The following MIPEP variants were observed in gnomAD, a reference collection of about 807,000 sequenced individuals.
The protein encoded by MIPEP is mitochondrial intermediate peptidase.
MIPEP carries 79 observed loss-of-function variants against 90.3 expected under a neutral mutation model. That is an observed-to-expected ratio of 0.87 (90% CI 0.73 to 1.05). MIPEP has a LOEUF of 1.05. Ranked by LOEUF, MIPEP falls within the 50% of genes least tolerant of loss-of-function variation. The pLI, the probability that MIPEP is intolerant of heterozygous loss-of-function variation, is 0.00. For synonymous variants in MIPEP, 334 were observed against 315.8 expected (o/e 1.06, Z -0.61); for missense variants, 940 against 905.6 (o/e 1.04, Z -0.49).
chr13:23,832,078 T>C (rs561029273), intron 14 of MIPEP, among the ~76,000 whole-genome samples: 2 of 152,256 alleles, frequency 1.3e-5, no homozygotes, highest in Admixed American at 1.3e-4. Context: ...ATACCCCTTC[T>C]CCAGGCAGTA....
intron 14 of MIPEP, among the ~76,000 whole-genome samples, chr13:23,829,927 T>C (rs1868656187): frequency 6.6e-6 from 1 of 152,208 alleles, no homozygotes; most frequent in Non-Finnish European, 1.5e-5. Flanking sequence ...AATCACAAAA[T>C]GGGCAAAATT....
At chr13:23,800,693 T>A (rs182486621) in intron 16 of MIPEP, among the ~76,000 whole-genome samples, 1 of 152,218 alleles carries the variant, frequency 6.6e-6, no homozygotes, top group Non-Finnish European at 1.5e-5. Context: ...TTATTTAATA[T>A]GGAATATCTG....
At chr13:23,737,154 C>G (rs1173589914) in intron 18 of MIPEP, among the ~76,000 whole-genome samples, 2 of 152,248 alleles carry the variant, frequency 1.3e-5, no homozygotes. Context: ...GCACACTTTA[C>G]AAGCAGTCAC....
intron 5 of MIPEP, among the ~76,000 whole-genome samples, chr13:23,873,904 C>T (rs1452400647): frequency 1.3e-5 from 2 of 152,190 alleles, no homozygotes; most frequent in Non-Finnish European, 2.9e-5. Context: ...CCAGGAATCA[C>T]ATGCTGAACC....
chr13:23,865,263 C>G (rs1593199156), intron 7 of MIPEP, among the ~76,000 whole-genome samples: 1 of 152,152 alleles, frequency 6.6e-6, no homozygotes, highest in Admixed American at 6.5e-5. Context: ...TTTGTATTTT[C>G]CAGATAATCT....
At chr13:23,794,442 T>A (rs1457181793) in intron 16 of MIPEP, among the ~76,000 whole-genome samples, 3 of 152,160 alleles carry the variant, frequency 2.0e-5, no homozygotes, top group African/African-American at 4.8e-5. Context: ...TAAAGAGGCA[T>A]CACAATGGTC....
At chr13:23,785,495 G>T (rs1952828506) in intron 16 of MIPEP, among the ~76,000 whole-genome samples, 1 of 134,980 alleles carries the variant, frequency 7.4e-6, no homozygotes. Flanking sequence ...GGAGGGGGGA[G>T]GGAAAGCATT....
chr13:23,736,927 T>C (rs1259341406), intron 18 of MIPEP, among the ~76,000 whole-genome samples: 2 of 152,216 alleles, frequency 1.3e-5, no homozygotes, highest in Non-Finnish European at 2.9e-5. Flanking sequence ...ACCCTGGCAG[T>C]CTGGTTCCTG....
intron 16 of MIPEP, chr13:23,760,510 A>G (rs1244214043): frequency 3.4e-6 from 2 of 595,744 alleles, no homozygotes; most frequent in Non-Finnish European, 6.6e-6. Context: ...AAGCTCTTAG[A>G]CTGGGCCCTT....
chr13:23,757,371 C>G (rs530538423), intron 17 of MIPEP, among the ~76,000 whole-genome samples: 1 of 152,172 alleles, frequency 6.6e-6, no homozygotes, highest in Non-Finnish European at 1.5e-5. Flanking sequence ...CACCACACCT[C>G]CTGCTGTGTG....
At chr13:23,773,287 T>A (rs565669918) in intron 16 of MIPEP, among the ~76,000 whole-genome samples, 71 of 152,370 alleles carry the variant, frequency 4.7e-4, no homozygotes, top group Non-Finnish European at 8.2e-4. Flanking sequence ...AGTCTATCCA[T>A]GTTGTAGCAA....
chr13:23,768,780 G>A (rs1361930981), intron 16 of MIPEP, among the ~76,000 whole-genome samples: 2 of 152,014 alleles, frequency 1.3e-5, no homozygotes, highest in Non-Finnish European at 2.9e-5. Context: ...TATGGCAGAT[G>A]TAATGTTAAG....
intron 13 of MIPEP, 138 bp from the exon 14 acceptor site, chr13:23,836,487 T>C: frequency 2.1e-6 from 1 of 487,046 alleles, no homozygotes; most frequent in East Asian, 3.3e-5. Flanking sequence ...TTTTCTTCTA[T>C]AAATTTATTG....
At chr13:23,828,629 A>G (rs1328329058) in intron 14 of MIPEP, among the ~76,000 whole-genome samples, 2 of 152,230 alleles carry the variant, frequency 1.3e-5, no homozygotes, top group African/African-American at 4.8e-5. Flanking sequence ...GCCCTGGAAG[A>G]AAATTTTAAA....
intron 18 of MIPEP, among the ~76,000 whole-genome samples, chr13:23,745,071 A>G (rs1289953975): frequency 6.6e-6 from 1 of 152,228 alleles, no homozygotes; most frequent in East Asian, 1.9e-4. Flanking sequence ...CCGAATGGAA[A>G]GAGAGTAAAG....
chr13:23,784,972 TA>T (rs1952822173), intron 16 of MIPEP, among the ~76,000 whole-genome samples: 1 of 152,270 alleles, frequency 6.6e-6, no homozygotes, highest in Admixed American at 6.5e-5. Flanking sequence ...CGGCGATCAT[TA>T]AAAAGTCAGG....
intron 16 of MIPEP, among the ~76,000 whole-genome samples, chr13:23,787,227 C>T (rs1157658427): frequency 6.6e-6 from 1 of 152,196 alleles, no homozygotes; most frequent in Non-Finnish European, 1.5e-5. Flanking sequence ...GACTGGGTGG[C>T]TTAAACAATA....
chr13:23,857,985 G>GA (rs553005889), intron 10 of MIPEP, among the ~76,000 whole-genome samples: 113 of 149,006 alleles, frequency 7.6e-4, no homozygotes, highest in Non-Finnish European at 1.5e-3. Flanking sequence ...CTTTAATGAG[G>GA]AAAAAAAAAC....
chr13:23,858,742 AG>A lies in MIPEP; in HGVS notation c.1106+117del, dbSNP rs1324097757. 1.0e-5 allele frequency: 8 copies of A among 800,814 alleles called. No individual in the cohort carries two copies. In the Admixed American group the frequency reaches 1.7e-4, roughly 17 times the overall value. The allele number at this position is 800,814 out of a possible 1,614,324, so 49.6% of individuals were successfully genotyped here. A position where few individuals can be genotyped will look rare whatever the true frequency, so the allele number is the denominator to read the frequency against. On this transcript the variant is annotated intron_variant, in intron 10 of 18. Transcript: ENST00000382172. ...AGTGGAGCAGACCACGCCAGCAGAAAGAATGGTGTCAGGGGAAGGGTTTGTA... is the reference window on the plus strand; with the variant it reads ...AGTGGAGCAGACCACGCCAGCAGAAAAATGGTGTCAGGGGAAGGGTTTGTA...
Sources: gnomAD v4.1 joint callset for allele counts (sites outside exome capture counted in the v4.1 genomes callset) on GRCh38, gnomAD v4.1.1 for gene constraint, MANE v1.5 for transcripts, NCBI Gene and HGNC (gene_info 2026-07-23, HGNC 2026-07-21) for gene names.